Variants in HIKESHI observed in about 807,000 individuals in gnomAD.
HIKESHI encodes heat shock protein nuclear import factor hikeshi, also known as protein Hikeshi.
A neutral mutation model predicts 25.7 loss-of-function variants in HIKESHI; 13 were observed. The observed-to-expected ratio is 0.51, with a 90% CI of 0.33 to 0.80. HIKESHI has a LOEUF of 0.80. Ranked by LOEUF, HIKESHI falls within the 30% of genes least tolerant of loss-of-function variation. The probability of loss-of-function intolerance (pLI) is 0.02; values close to 1 mark genes in which losing one functional copy is unlikely to be tolerated. For synonymous variants in HIKESHI, 76 were observed against 78.7 expected (o/e 0.97, Z 0.18); for missense variants, 174 against 229.5 (o/e 0.76, Z 1.56).
intron 3 of HIKESHI, among the ~76,000 whole-genome samples, chr11:86,341,890 C>T (rs1947741974): frequency 6.6e-6 from 1 of 152,070 alleles, no homozygotes. Flanking sequence ...TTCTGTATAA[C>T]TTGCTGTTGT....
intron 2 of HIKESHI, among the ~76,000 whole-genome samples, chr11:86,314,153 C>T (rs898811785): frequency 1.3e-5 from 2 of 152,124 alleles, no homozygotes; most frequent in African/African-American, 2.4e-5. Flanking sequence ...ATCCCTCCCC[C>T]AAAACAACTG....
At position 86,344,705 on chromosome 11, in the gene HIKESHI, A is replaced by C; in HGVS notation, c.523A>C (p.Asn175His). ...PSPSEMFIPA[N>H]VVLKWYENFQ... The stretch of plus-strand genomic sequence containing the variant: ...CCCATCTGAAATGTTCATTCCGGCA[A>C]ATGTGGTTCTGAAATGGTATGAGGC... Residue 175 changes from asparagine to histidine, a missense_variant, in exon 4 of 5, where the codon AAT becomes CAT. By Grantham distance (68) the Asn-to-His change is moderately conservative. Transcript: ENST00000278483. 1 of 1,607,488 alleles carries C rather than the reference A, an allele frequency of 6.2e-7. No homozygotes were observed. Among genetic ancestry groups the C allele is most frequent in the Non-Finnish European group, 8.5e-7 (1 of 1,174,030 alleles).
At chr11:86,328,078 A>C (rs960220065) in intron 2 of HIKESHI, among the ~76,000 whole-genome samples, 2 of 152,204 alleles carry the variant, frequency 1.3e-5, no homozygotes, top group Admixed American at 1.3e-4. Context: ...TTAGAATGAA[A>C]GGCCCTAAAA....
chr11:86,333,246 A>T (rs1359731527), intron 2 of HIKESHI, among the ~76,000 whole-genome samples: 1 of 152,142 alleles, frequency 6.6e-6, no homozygotes, highest in African/African-American at 2.4e-5. Flanking sequence ...GATCAAGAGA[A>T]AATATGAGGC....
chr11:86,327,390 C>T (rs1289439092), intron 2 of HIKESHI, among the ~76,000 whole-genome samples: 1 of 152,032 alleles, frequency 6.6e-6, no homozygotes, highest in Non-Finnish European at 1.5e-5. Flanking sequence ...TCTCGGCTCA[C>T]TGCCAGCTCC....
At chr11:86,342,709 G>C (rs1289488567) in intron 3 of HIKESHI, among the ~76,000 whole-genome samples, 1 of 134,210 alleles carries the variant, frequency 7.5e-6, no homozygotes, top group African/African-American at 2.8e-5. Flanking sequence ...CCCATGAATT[G>C]AGTAATTTGT....
At chr11:86,328,881 A>G (rs1032421045) in intron 2 of HIKESHI, among the ~76,000 whole-genome samples, 1 of 148,152 alleles carries the variant, frequency 6.7e-6, no homozygotes, top group Non-Finnish European at 1.5e-5. Context: ...TCGGCCCCAC[A>G]TTTCTTTCCA....
rs76010459 is a variant in HIKESHI, at chr11:86,316,107, G to A, written c.268+9625G>A. 9.8e-3 allele frequency among the ~76,000 whole-genome samples: 1,065 copies of A among 108,646 alleles called. 20 individuals are homozygous for A. Among genetic ancestry groups the A allele is most frequent in the African/African-American group, 0.038 (1,017 of 26,790 alleles). The allele number at this position is 108,646 out of a possible 152,430, so 71.3% of individuals were successfully genotyped here. ...CCAGATTGGGCAACATAGCAAGACT[G>A]TCTCCATTAAAAAAAAAAAAAAAAA... On this transcript the variant is annotated intron_variant, in intron 2 of 4. Transcript: ENST00000278483.
At chr11:86,308,800 A>G (rs1946755099) in intron 2 of HIKESHI, among the ~76,000 whole-genome samples, 1 of 151,758 alleles carries the variant, frequency 6.6e-6, no homozygotes, top group Admixed American at 6.6e-5. Context: ...ATTCCCACCT[A>G]TGAGTGAGAA....
intron 2 of HIKESHI, chr11:86,326,500 T>A (rs913935081): frequency 2.2e-6 from 1 of 456,046 alleles, no homozygotes; most frequent in Non-Finnish European, 4.4e-6. Context: ...TTTGTTGTGT[T>A]CTCATTCATC....
At chr11:86,332,849 T>G (rs1593859150) in intron 2 of HIKESHI, among the ~76,000 whole-genome samples, 1 of 152,256 alleles carries the variant, frequency 6.6e-6, no homozygotes, top group African/African-American at 2.4e-5. Context: ...TGGGACCGAT[T>G]TGGCCTGTGG....
Position 86,307,804 on chromosome 11 carries a change from TA to T in HIKESHI, c.268+1326del, listed in dbSNP as rs1423565483. Among the ~76,000 whole-genome samples, 914 of 117,878 alleles carry T rather than the reference TA, an allele frequency of 7.8e-3. 6 individuals carry two copies. The highest frequency in any genetic ancestry group is 0.014 in the African/African-American group (384 of 28,092). The allele number at this position is 117,878 out of a possible 152,430, so 77.3% of individuals were successfully genotyped here. Reference sequence around the variant, plus strand: ...TATATTATGTGTAATATACATTATATAAAATATATATTATGTGTAATATACA... The same window carrying T: ...TATATTATGTGTAATATACATTATATAAATATATATTATGTGTAATATACA... On this transcript the variant is annotated intron_variant, in intron 2 of 4. Transcript: ENST00000278483.
chr11:86,328,655 G>T (rs1157970595), intron 2 of HIKESHI, among the ~76,000 whole-genome samples: 2 of 151,984 alleles, frequency 1.3e-5, no homozygotes, highest in African/African-American at 4.8e-5. Flanking sequence ...TCTTAGCCAG[G>T]CTGGTCTTGA....
At chr11:86,317,029 T>C (rs1947005430) in intron 2 of HIKESHI, among the ~76,000 whole-genome samples, 1 of 152,040 alleles carries the variant, frequency 6.6e-6, no homozygotes, top group South Asian at 2.1e-4. Flanking sequence ...CCTGACCTTG[T>C]GATCCACCCG....
rs574954566 is a variant in HIKESHI at position 86,337,792 on chromosome 11, G to A, written c.420+262G>A. Among the ~76,000 whole-genome samples the A allele has an allele frequency of 9.2e-5, 14 of 152,150 alleles. No individual in the cohort carries two copies. In the South Asian group the frequency reaches 2.9e-3, roughly 32 times the overall value. On this transcript the variant is annotated intron_variant, in intron 3 of 4. Transcript: ENST00000278483. ...CCTGCCTCAGTCTCCTGAGTAGCTG[G>A]GACTACAGGCACATGTCACCACACC...
chr11:86,337,605 G>C, intron 3 of HIKESHI, 75 bp downstream of exon 3: 1 of 1,372,624 alleles, frequency 7.3e-7, no homozygotes, highest in South Asian at 1.5e-5. Flanking sequence ...AGTTAAAATC[G>C]TAACTTAGGG....
chr11:86,328,906 TTGTGTGTGTGTGTGTGTGTG>T (rs139954147), intron 2 of HIKESHI, among the ~76,000 whole-genome samples: 1 of 145,216 alleles, frequency 6.9e-6, no homozygotes, highest in African/African-American at 2.5e-5. Flanking sequence ...GTTTTGTGTT[TTGTGTGTGTGTGTGTGTGTG>T]TGCGCGCACA....
intron 2 of HIKESHI, among the ~76,000 whole-genome samples, chr11:86,323,813 C>A (rs1166675164): frequency 2.6e-5 from 4 of 152,190 alleles, no homozygotes; most frequent in Admixed American, 2.0e-4. Context: ...ATGAGTTAAT[C>A]CAATTACTGT....
At chr11:86,315,014 C>T (rs1256314643) in intron 2 of HIKESHI, among the ~76,000 whole-genome samples, 1 of 152,198 alleles carries the variant, frequency 6.6e-6, no homozygotes, top group African/African-American at 2.4e-5. Context: ...ACCCTTTATA[C>T]ATATGACATA....
Sources: gnomAD v4.1 joint callset for allele counts (sites outside exome capture counted in the v4.1 genomes callset) on GRCh38, gnomAD v4.1.1 for gene constraint, MANE v1.5 for transcripts, NCBI Gene and HGNC (gene_info 2026-07-23, HGNC 2026-07-21) for gene names.